Variants in TACR1 observed in about 807,000 individuals in gnomAD.
The protein encoded by TACR1 is tachykinin receptor 1.
In TACR1, 25 loss-of-function variants were observed where a neutral mutation model predicts 35.8. The observed-to-expected ratio is 0.70, with a 90% CI of 0.51 to 0.98. The LOEUF is 0.98. Among genes scored for constraint, TACR1 ranks in the 50% least tolerant of loss-of-function variants. The probability of loss-of-function intolerance (pLI) is 0.00; values close to 1 mark genes in which losing one functional copy is unlikely to be tolerated. For synonymous variants in TACR1, 195 were observed against 206.7 expected (o/e 0.94, Z 0.48); for missense variants, 478 against 522.9 (o/e 0.91, Z 0.84).
At chr2:75,114,743 TC>T (rs1189824004) in intron 2 of TACR1, among the ~76,000 whole-genome samples, 1 of 152,188 alleles carries the variant, frequency 6.6e-6, no homozygotes, top group African/African-American at 2.4e-5. Flanking sequence ...ATCTCCACCT[TC>T]CTAGAACTTC....
In TACR1 at chr2:75,071,784, C is replaced by G. The variant is rs539274407; in HGVS notation, c.585-18029G>C. 3.9e-5 allele frequency among the ~76,000 whole-genome samples: 6 copies of G among 152,330 alleles called. No individual in the cohort carries two copies. The South Asian group carries it at 6.2e-4, about 16-fold the overall frequency. On this transcript the variant is annotated intron_variant, in intron 2 of 4. Coordinates refer to ENST00000305249, the MANE Select transcript of TACR1 (RefSeq NM_001058.4). ...TTACTACTTAGTGCCCAGATTAATG[C>G]TTGGCATAGAGTGCCTGCTCCATCA... is the stretch of plus-strand genomic sequence containing the variant.
intron 1 of TACR1, among the ~76,000 whole-genome samples, chr2:75,155,288 A>G (rs1241862371): frequency 6.6e-6 from 1 of 152,064 alleles, no homozygotes; most frequent in Non-Finnish European, 1.5e-5. Flanking sequence ...TGGCTTAATG[A>G]GCCTCAAGCT....
chr2:75,082,360 T>C (rs1673106027), intron 2 of TACR1, among the ~76,000 whole-genome samples: 1 of 152,230 alleles, frequency 6.6e-6, no homozygotes, highest in Non-Finnish European at 1.5e-5. Flanking sequence ...GTCTTTGCTA[T>C]TGTGAGTAGT....
chr2:75,121,439 A>C lies in TACR1; in HGVS notation c.390-671T>G, dbSNP rs145482854. Among the ~76,000 whole-genome samples, 544 of 152,340 alleles carry C rather than the reference A, an allele frequency of 3.6e-3. 2 individuals carry two copies. The highest frequency in any genetic ancestry group is 0.013 in the African/African-American group (535 of 41,576). On this transcript the variant is annotated intron_variant, in intron 1 of 4. Transcript: ENST00000305249. ...AGTGCACAAAGGACCAGTATGGATG[A>C]CACTTCATTGCAGGAAGAGGGGAGC...
chr2:75,137,522 G>A (rs1419674810), intron 1 of TACR1, among the ~76,000 whole-genome samples: 2 of 151,704 alleles, frequency 1.3e-5, no homozygotes, highest in African/African-American at 2.4e-5. Context: ...TCAGGAGATC[G>A]AGATCATCCT....
At chr2:75,180,117 T>A (rs776770318) in intron 1 of TACR1, among the ~76,000 whole-genome samples, 3 of 152,204 alleles carry the variant, frequency 2.0e-5, no homozygotes, top group Non-Finnish European at 2.9e-5. Flanking sequence ...AGGTCTTTGT[T>A]CAAGTACCAT....
chr2:75,199,301 C>A lies in TACR1; in HGVS notation c.-367G>T. The A allele has an allele frequency of 8.8e-6, 2 of 226,782 alleles. No individual in the cohort carries two copies. Among genetic ancestry groups the A allele is most frequent in the Non-Finnish European group, 8.9e-6 (1 of 112,802 alleles). 14.0% of individuals were successfully genotyped at this position (226,782 alleles called of 1,614,324 possible). ...TTTATGCACCTGCTGCTGCCTGCAA[C>A]TCCTATTTCTCCTTCCTCCGCAGGG... On this transcript the variant is annotated 5_prime_UTR_variant, in exon 1 of 5. Transcript: ENST00000305249.
intron 2 of TACR1, among the ~76,000 whole-genome samples, chr2:75,064,090 G>C (rs76453990): frequency 7.5e-6 from 1 of 132,742 alleles, no homozygotes; most frequent in African/African-American, 3.3e-5. Flanking sequence ...AGCAGTGTTA[G>C]GAAAAAAAAA....
At chr2:75,127,293 C>T (rs891063251) in intron 1 of TACR1, among the ~76,000 whole-genome samples, 5 of 152,210 alleles carry the variant, frequency 3.3e-5, no homozygotes, top group Non-Finnish European at 7.3e-5. Flanking sequence ...CTCAAGCTCA[C>T]AAAGCTATAA....
intron 1 of TACR1, among the ~76,000 whole-genome samples, chr2:75,125,822 C>G (rs1303363455): frequency 6.6e-6 from 1 of 152,174 alleles, no homozygotes; most frequent in African/African-American, 2.4e-5. Flanking sequence ...TTTTTTATCT[C>G]TTGACATTAA....
chr2:75,135,078 C>G (rs879790996), intron 1 of TACR1, among the ~76,000 whole-genome samples: 25 of 152,202 alleles, frequency 1.6e-4, no homozygotes, highest in Admixed American at 2.0e-4. Context: ...ACCCTGTGGC[C>G]TGTCTTACTG....
At chr2:75,113,789 TGACAC>T (rs1673800921) in intron 2 of TACR1, among the ~76,000 whole-genome samples, 1 of 152,100 alleles carries the variant, frequency 6.6e-6, no homozygotes, top group South Asian at 2.1e-4. Context: ...ACAAATATGT[TGACAC>T]CCCTTTGGCC....
intron 1 of TACR1, among the ~76,000 whole-genome samples, chr2:75,151,169 A>G (rs1572959633): frequency 6.6e-6 from 1 of 152,170 alleles, no homozygotes; most frequent in South Asian, 2.1e-4. Context: ...AGAAAAACTC[A>G]TTTTCTGGGG....
intron 1 of TACR1, among the ~76,000 whole-genome samples, chr2:75,144,068 T>C (rs1674459851): frequency 6.6e-6 from 1 of 152,222 alleles, no homozygotes; most frequent in East Asian, 1.9e-4. Context: ...ATTTTCCTAG[T>C]TTCCACGATC....
chr2:75,131,100 T>C lies in TACR1; in HGVS notation c.390-10332A>G, dbSNP rs552667113. Among the ~76,000 whole-genome samples the C allele has an allele frequency of 9.9e-5, 15 of 152,106 alleles. 1 individual carries two copies. In the South Asian group the frequency reaches 2.5e-3, roughly 25 times the overall value. Reference sequence around the variant, plus strand: ...AATAATGAGCCAATTTTTTTTTCTTTTTTTTTTTGAGACAGAGTCTCTCTG... The same window carrying C: ...AATAATGAGCCAATTTTTTTTTCTTCTTTTTTTTGAGACAGAGTCTCTCTG... On this transcript the variant is annotated intron_variant, in intron 1 of 4. Coordinates refer to ENST00000305249, the MANE Select transcript of TACR1 (RefSeq NM_001058.4).
intron 2 of TACR1, among the ~76,000 whole-genome samples, chr2:75,116,714 G>A (rs1481864808): frequency 2.0e-5 from 3 of 152,158 alleles, no homozygotes; most frequent in Non-Finnish European, 4.4e-5. Flanking sequence ...TTCAAGACCA[G>A]TCTGGCCAAC....
chr2:75,156,191 T>C (rs372450040), intron 1 of TACR1: 1 of 152,088 alleles, frequency 6.6e-6, no homozygotes, highest in Non-Finnish European at 1.5e-5. Context: ...ACAAGTATTC[T>C]TGTAAGCGAT....
intron 2 of TACR1, chr2:75,090,690 A>G (rs113730637): frequency 2.0e-5 from 3 of 153,840 alleles, no homozygotes; most frequent in African/African-American, 7.2e-5. Context: ...TTTAATCTGT[A>G]TGCTCTCTTA....
chr2:75,115,856 G>A, intron 2 of TACR1, among the ~76,000 whole-genome samples: 1 of 132,816 alleles, frequency 7.5e-6, no homozygotes, highest in East Asian at 2.4e-4. Flanking sequence ...GCAGTGAGCC[G>A]AGATCGCGCC....
Sources: gnomAD v4.1 joint callset for allele counts (sites outside exome capture counted in the v4.1 genomes callset) on GRCh38, gnomAD v4.1.1 for gene constraint, MANE v1.5 for transcripts, NCBI Gene and HGNC (gene_info 2026-07-23, HGNC 2026-07-21) for gene names.